The following CTNNA3 variants were observed in gnomAD, a reference collection of about 807,000 sequenced individuals.
CTNNA3 encodes catenin alpha-3.
In CTNNA3, 76 loss-of-function variants were observed where a neutral mutation model predicts 95.7. The observed-to-expected ratio is 0.79, with a 90% CI of 0.66 to 0.96. The LOEUF is 0.96. Ranked by LOEUF, CTNNA3 falls within the 40% of genes least tolerant of loss-of-function variation. The pLI, the probability that CTNNA3 is intolerant of heterozygous loss-of-function variation, is 0.00. For missense variants in CTNNA3, 1,191 were observed against 1,089.8 expected (o/e 1.09, Z -1.31); for synonymous variants, 431 against 374.4 (o/e 1.15, Z -1.74).
intron 11 of CTNNA3, among the ~76,000 whole-genome samples, chr10:66,487,730 C>T (rs1043014351): frequency 3.3e-5 from 5 of 152,062 alleles, no homozygotes; most frequent in African/African-American, 1.2e-4. Context: ...AACAAAAAAC[C>T]TTGCAATCTC....
chr10:66,670,773 T>C (rs1846631598), intron 9 of CTNNA3, among the ~76,000 whole-genome samples: 1 of 152,202 alleles, frequency 6.6e-6, no homozygotes, highest in African/African-American at 2.4e-5. Flanking sequence ...AATGGGAATC[T>C]TGCAGAGACA....
chr10:67,165,480 G>T (rs1861726745), intron 7 of CTNNA3, among the ~76,000 whole-genome samples: 2 of 152,042 alleles, frequency 1.3e-5, no homozygotes, highest in African/African-American at 4.8e-5. Flanking sequence ...ACCCATATAT[G>T]TGATAAAACT....
At chr10:66,598,397 G>T (rs1843799842) in intron 10 of CTNNA3, among the ~76,000 whole-genome samples, 1 of 152,104 alleles carries the variant, frequency 6.6e-6, no homozygotes, top group East Asian at 1.9e-4. Context: ...CATTGTACTG[G>T]AAGTCTTACC....
chr10:67,568,684 T>C (rs1333029147), intron 3 of CTNNA3, among the ~76,000 whole-genome samples: 1 of 152,132 alleles, frequency 6.6e-6, no homozygotes, highest in Non-Finnish European at 1.5e-5. Flanking sequence ...CTATATTGAA[T>C]ATTTATTTAT....
chr10:66,829,694 A>G (rs1194294005), intron 7 of CTNNA3, among the ~76,000 whole-genome samples: 4 of 16,246 alleles, frequency 2.5e-4, no homozygotes, highest in African/African-American at 2.1e-3. Flanking sequence ...ACATTTTGGA[A>G]AAAAAAAAAA....
intron 1 of CTNNA3, among the ~76,000 whole-genome samples, chr10:67,761,680 C>T (rs1286849354): frequency 1.3e-5 from 2 of 152,072 alleles, no homozygotes; most frequent in African/African-American, 4.8e-5. Context: ...AGATCGAGAC[C>T]ATCCTGGCTA....
At chr10:66,783,652 G>A (rs1398056565) in intron 7 of CTNNA3, among the ~76,000 whole-genome samples, 2 of 152,058 alleles carry the variant, frequency 1.3e-5, no homozygotes, top group Non-Finnish European at 2.9e-5. Context: ...ATATGGCAAC[G>A]ACTTTGTCTA....
chr10:67,641,991 AAAACTT>A (rs1839551845), intron 2 of CTNNA3, among the ~76,000 whole-genome samples: 1 of 152,174 alleles, frequency 6.6e-6, no homozygotes, highest in Non-Finnish European at 1.5e-5. Flanking sequence ...CATGTACTCT[AAAACTT>A]AAAGCAAATA....
chr10:67,763,470 G>T (rs1052734580), exon 1 of CTNNA3, among the ~76,000 whole-genome samples: 7 of 152,222 alleles, frequency 4.6e-5, no homozygotes, highest in Admixed American at 4.6e-4. Context: ...GGCTTCCAAA[G>T]GTCGAGTTGC....
At chr10:67,444,804 G>T (rs1231732286) in intron 5 of CTNNA3, among the ~76,000 whole-genome samples, 1 of 151,876 alleles carries the variant, frequency 6.6e-6, no homozygotes, top group Non-Finnish European at 1.5e-5. Flanking sequence ...TAAAGGAAAT[G>T]GAAAAATTCC....
chr10:67,216,341 A>G (rs1864359665), intron 6 of CTNNA3, among the ~76,000 whole-genome samples: 1 of 152,176 alleles, frequency 6.6e-6, no homozygotes, highest in South Asian at 2.1e-4. Context: ...TGAGCAGTGT[A>G]TCACTTACAT....
chr10:66,397,472 T>G lies in CTNNA3; in HGVS notation c.1532-18120A>C, dbSNP rs925786496. Among the ~76,000 whole-genome samples, 5 of 151,862 alleles carry G rather than the reference T, an allele frequency of 3.3e-5. 1 individual carries two copies. The highest frequency in any genetic ancestry group is 7.4e-5 in the Non-Finnish European group (5 of 67,830). On this transcript the variant is annotated intron_variant, in intron 11 of 17. Coordinates refer to ENST00000433211, the MANE Select transcript of CTNNA3 (RefSeq NM_013266.4). ...TGATAGTAATTCCAAACTAATATTT[T>G]CTATTTAATTAGTACTCATATATAT... is the stretch of plus-strand genomic sequence containing the variant.
At chr10:66,105,559 A>T (rs1411705370) in intron 13 of CTNNA3, among the ~76,000 whole-genome samples, 5 of 152,254 alleles carry the variant, frequency 3.3e-5, no homozygotes, top group Non-Finnish European at 7.3e-5. Flanking sequence ...ACCCCCAAAT[A>T]AAGTAACAAA....
At chr10:67,209,522 T>C (rs532831390) in intron 6 of CTNNA3, among the ~76,000 whole-genome samples, 7 of 152,228 alleles carry the variant, frequency 4.6e-5, no homozygotes, top group Admixed American at 4.6e-4. Flanking sequence ...TAAAACTTCC[T>C]CCCAAAGAGA....
intron 2 of CTNNA3, among the ~76,000 whole-genome samples, chr10:67,646,257 TCCTCCTG>T (rs2133478877): frequency 6.6e-6 from 1 of 151,370 alleles, no homozygotes; most frequent in Non-Finnish European, 1.5e-5. Context: ...ACTTAAGCGA[TCCTCCTG>T]CCTTGGCCTC....
chr10:66,165,773 A>ATTC, intron 13 of CTNNA3, among the ~76,000 whole-genome samples: 1 of 151,750 alleles, frequency 6.6e-6, no homozygotes, highest in Admixed American at 6.6e-5. Context: ...TTATTTTATT[A>ATTC]TTATTATTAT....
intron 5 of CTNNA3, among the ~76,000 whole-genome samples, chr10:67,379,937 T>C (rs1034752020): frequency 4.3e-5 from 6 of 140,946 alleles, no homozygotes; most frequent in Admixed American, 2.3e-4. Flanking sequence ...AGGAGAATGG[T>C]GTGAACCCGG....
rs201378503 is a variant in CTNNA3 at position 66,056,837 on chromosome 10, GC to G, written c.2159+12470del. On this transcript the variant is annotated intron_variant, in intron 15 of 17. Transcript: ENST00000433211. ...AGATTAAATGTATAAATGAACAATG[GC>G]CAGAATTTATATGACAGTAGAGCTT... Among the ~76,000 whole-genome samples, 93 of 152,236 alleles carry G rather than the reference GC, an allele frequency of 6.1e-4. 1 individual carries two copies. The East Asian group carries it at 0.015, about 24-fold the overall frequency.
intron 7 of CTNNA3, among the ~76,000 whole-genome samples, chr10:66,817,042 A>G (rs12766194): frequency 0.26 from 39,378 of 151,930 alleles, 6,019 homozygotes; most frequent in Non-Finnish European, 0.36. Context: ...AGGGACAGCC[A>G]TAACTGTAAA....
Sources: gnomAD v4.1 joint callset for allele counts (sites outside exome capture counted in the v4.1 genomes callset) on GRCh38, gnomAD v4.1.1 for gene constraint, MANE v1.5 for transcripts, NCBI Gene and HGNC (gene_info 2026-07-23, HGNC 2026-07-21) for gene names.